KANSL1: variants seen among roughly 807,000 people sequenced by gnomAD.
KANSL1 encodes MLL1/MLL complex subunit KANSL1.
A neutral mutation model predicts 103.6 loss-of-function variants in KANSL1; 22 were observed. That is an observed-to-expected ratio of 0.21 (90% confidence interval 0.15 to 0.30). KANSL1 has a LOEUF of 0.30. Among genes scored for constraint, KANSL1 ranks in the 10% least tolerant of loss-of-function variants. KANSL1 has a pLI of 1.00. For missense variants in KANSL1, 1,337 were observed against 1,399.8 expected, an observed-to-expected ratio of 0.96 and a Z score of 0.72; for synonymous variants, 600 against 527.6, an observed-to-expected ratio of 1.14 and a Z score of -1.88.
At chr17:46,038,329 T>C (rs1338158771) in intron 10 of KANSL1, 5 of 590,080 alleles carry the variant, frequency 8.5e-6, no homozygotes, top group South Asian at 2.4e-5. Flanking sequence ...ATCTCTGCTA[T>C]GAAAAACAAC....
At chr17:46,059,920 G>A (rs2078098163) in intron 6 of KANSL1, among the ~76,000 whole-genome samples, 1 of 152,004 alleles carries the variant, frequency 6.6e-6, no homozygotes, top group Non-Finnish European at 1.5e-5. Context: ...GCGACAGAGC[G>A]AGACTCCATC....
intron 2 of KANSL1, among the ~76,000 whole-genome samples, chr17:46,136,042 T>C (rs1337816898): frequency 6.6e-6 from 1 of 152,092 alleles, no homozygotes; most frequent in African/African-American, 2.4e-5. Context: ...TACACTAGTT[T>C]AAAAAAATCA....
intron 7 of KANSL1, among the ~76,000 whole-genome samples, chr17:46,047,845 G>A (rs1266374664): frequency 6.6e-6 from 1 of 150,992 alleles, no homozygotes; most frequent in Non-Finnish European, 1.5e-5. Context: ...AGACTACCTG[G>A]GAGATATTAT....
intron 2 of KANSL1, among the ~76,000 whole-genome samples, chr17:46,103,216 T>G (rs1211650075): frequency 1.3e-5 from 2 of 152,232 alleles, no homozygotes; most frequent in African/African-American, 4.8e-5. Flanking sequence ...TCATGCTCTT[T>G]TATTTATCTC....
intron 4 of KANSL1, among the ~76,000 whole-genome samples, chr17:46,070,149 C>G (rs2078523092): frequency 6.6e-6 from 1 of 152,074 alleles, no homozygotes. Context: ...AACACAGCCC[C>G]AAAAATCTTA....
upstream of KANSL1, among the ~76,000 whole-genome samples, chr17:46,197,649 A>G (rs1032800310): frequency 6.6e-6 from 1 of 152,264 alleles, no homozygotes; most frequent in Admixed American, 6.5e-5. Context: ...TCTCAAAAAA[A>G]GAACCAATAA....
chr17:46,046,570 G>A lies in KANSL1; in HGVS notation c.2020+3963C>T, dbSNP rs144565444. On this transcript the variant is annotated intron_variant, in intron 7 of 14. Coordinates refer to ENST00000432791, the MANE Select transcript of KANSL1 (RefSeq NM_015443.4). ...AAAAAAAAAAAAGCCAGGTGCGGTG[G>A]CTCATGCTTGTAATCCCAGCACTTT... Among the ~76,000 whole-genome samples, 201 of 148,300 alleles carry A rather than the reference G, an allele frequency of 1.4e-3. 2 individuals carry two copies. Among genetic ancestry groups the A allele is most frequent in the African/African-American group, 2.0e-3 (80 of 40,362 alleles).
intron 7 of KANSL1, chr17:46,041,936 G>A (rs1165454765): frequency 7.1e-6 from 1 of 140,488 alleles, no homozygotes; most frequent in Admixed American, 6.8e-5. Flanking sequence ...TTGAGACGGA[G>A]TCTTGCTGTC....
intron 2 of KANSL1, among the ~76,000 whole-genome samples, chr17:46,138,883 G>A (rs536462923): frequency 6.6e-6 from 1 of 152,152 alleles, no homozygotes; most frequent in Non-Finnish European, 1.5e-5. Context: ...CATACATACA[G>A]GACACACATA....
intron 7 of KANSL1, among the ~76,000 whole-genome samples, chr17:46,047,601 T>C (rs111806951): frequency 6.6e-6 from 1 of 151,834 alleles, no homozygotes; most frequent in Non-Finnish European, 1.5e-5. Context: ...CTGGGCAATA[T>C]AGCAAGACCC....
chr17:46,090,258 A>C (rs1241273632), intron 3 of KANSL1, among the ~76,000 whole-genome samples: 1 of 152,218 alleles, frequency 6.6e-6, no homozygotes, highest in Non-Finnish European at 1.5e-5. Context: ...CTCCATAGAG[A>C]CCATGGCCCT....
At chr17:46,172,337 G>A in intron 1 of KANSL1, 105 bp from the exon 2 acceptor site, 1 of 622,548 alleles carries the variant, frequency 1.6e-6, no homozygotes, top group Non-Finnish European at 2.7e-6. Context: ...ACTGCCTCCA[G>A]AAAGAAAACA....
At position 46,032,263 on chromosome 17, in the gene KANSL1, C is replaced by G; in HGVS notation, c.2874G>C (p.Gln958His). ...GGGTGGAGGGGTTGGCACTGCCCAGCTGGGGGGTTGTCCGGCCGTCTGATG... is the reference window on the plus strand; with the variant it reads ...GGGTGGAGGGGTTGGCACTGCCCAGGTGGGGGGTTGTCCGGCCGTCTGATG... ...YRSSDGRTTP[Q>H]LGSANPSTPQ... Residue 958 changes from glutamine (Q) to histidine (H), a missense_variant, in exon 14 of 15, where the codon CAG becomes CAC. Transcript: ENST00000432791. 1 of 1,536,822 alleles carries G rather than the reference C, an allele frequency of 6.5e-7. No homozygotes were observed.
intron 13 of KANSL1, among the ~76,000 whole-genome samples, chr17:46,032,748 G>T (rs752538074): frequency 6.6e-6 from 1 of 152,156 alleles, no homozygotes; most frequent in Non-Finnish European, 1.5e-5. Flanking sequence ...TCCAAAGGAA[G>T]GTTAACTTGT....
rs187981520 is a variant in KANSL1, at chr17:46,216,077, C to T, written c.-90+7594G>A. The stretch of plus-strand genomic sequence containing the variant: ...AATAATAAAAAAATAAAATAAAATG[C>T]CCATAGGACATCCAAGTAGAGATGT... On this transcript the variant is annotated intron_variant, in intron 1 of 14. Coordinates refer to the KANSL1 transcript ENST00000572904. Among the ~76,000 whole-genome samples the T allele has an allele frequency of 4.6e-3, 706 of 152,098 alleles. 3 individuals are homozygous for T. Among genetic ancestry groups the T allele is most frequent in the Middle Eastern group, 0.014 (4 of 294 alleles).
chr17:46,122,202 A>G (rs2043310919), intron 2 of KANSL1, among the ~76,000 whole-genome samples: 1 of 152,218 alleles, frequency 6.6e-6, no homozygotes, highest in South Asian at 2.1e-4. Context: ...CTGGAAACAC[A>G]GAAGTTCCTT....
chr17:46,076,714 T>C (rs893806091), intron 4 of KANSL1, among the ~76,000 whole-genome samples: 1 of 152,086 alleles, frequency 6.6e-6, no homozygotes, highest in South Asian at 2.1e-4. Flanking sequence ...ATGTAATCTT[T>C]TTCAGAAGTT....
At chr17:46,213,045 A>G (rs1027093120) in intron 1 of KANSL1, among the ~76,000 whole-genome samples, 1 of 152,242 alleles carries the variant, frequency 6.6e-6, no homozygotes, top group African/African-American at 2.4e-5. Flanking sequence ...GTGGAAAACC[A>G]GCTGAGATGG....
Position 46,171,750 on chromosome 17 carries a change from C to T in KANSL1, c.394G>A (p.Glu132Lys). The T allele has an allele frequency of 1.1e-5, 17 of 1,588,958 alleles. No homozygotes were observed. Among genetic ancestry groups the T allele is most frequent in the Non-Finnish European group, 1.4e-5 (16 of 1,169,878 alleles). Residue 132 changes from glutamate to lysine, a missense_variant, in exon 2 of 15, where the codon GAG (glutamate) becomes AAG (lysine). Physicochemically the swap from Glu to Lys is moderately conservative, Grantham distance 56. Around this residue, in one of 2 missense-constraint regions of KANSL1, gnomAD observed 557 missense variants for 476.4 expected, o/e 1.17. Transcript: ENST00000432791. ...AELLGRQPVLEFSLENLRTMN... is the reference protein window; with the variant it reads ...AELLGRQPVLKFSLENLRTMN... The stretch of plus-strand genomic sequence containing the variant: ...GTTCTAAGATTTTCTAAGGAAAACT[C>T]CAAAACTGGCTGTCTCCCCAACAGC...
Sources: gnomAD v4.1 joint callset for allele counts (sites outside exome capture counted in the v4.1 genomes callset) on GRCh38, gnomAD v4.1.1 for gene constraint, gnomAD v4.1.1 regional missense constraint, MANE v1.5 for transcripts, NCBI Gene and HGNC (gene_info 2026-07-23, HGNC 2026-07-21) for gene names.